KCNJ1: variants seen among roughly 807,000 people sequenced by gnomAD.
KCNJ1 encodes ATP-sensitive inward rectifier potassium channel 1.
Under a neutral mutation model 21.9 loss-of-function variants are expected in KCNJ1, and 24 were observed. The observed-to-expected ratio is 1.10, with a 90% confidence interval of 0.79 to 1.54. The LOEUF is 1.54. Ranked by LOEUF, KCNJ1 falls within the 40% of genes most tolerant of loss-of-function variation. KCNJ1 has a pLI of 0.00. For synonymous variants in KCNJ1, 152 were observed against 160.9 expected (o/e 0.94, Z 0.42); for missense variants, 457 against 455.4 (o/e 1.00, Z -0.03).
At chr11:128,866,938 C>T (rs1171223291) in intron 1 of KCNJ1, among the ~76,000 whole-genome samples, 1 of 152,118 alleles carries the variant, frequency 6.6e-6, no homozygotes, top group Non-Finnish European at 1.5e-5. Context: ...TGCCCTCCAG[C>T]CCCAGGGCTG....
intron 1 of KCNJ1, chr11:128,866,618 T>C (rs1048259803): frequency 6.1e-6 from 4 of 660,464 alleles, no homozygotes; most frequent in Admixed American, 1.3e-4. Context: ...GAAATCCAAA[T>C]GTATCCATTC....
intron 2 of KCNJ1, among the ~76,000 whole-genome samples, chr11:128,844,729 C>T (rs550460753): frequency 6.6e-6 from 1 of 152,122 alleles, no homozygotes; most frequent in East Asian, 1.9e-4. Flanking sequence ...CACTTACCAC[C>T]CCAGCCTGCT....
chr11:128,838,984 C>A lies in KCNJ1; in HGVS notation c.*141G>T. The stretch of plus-strand genomic sequence containing the variant: ...TGCATGTCTTGTGGGATCACAATTG[C>A]GGGGCTCAGGGGTCTTTGTGCTGGT... On this transcript the variant is annotated 3_prime_UTR_variant, in exon 3 of 3. Coordinates refer to ENST00000392666, the MANE Select transcript of KCNJ1 (RefSeq NM_153766.3). 5.6e-6 allele frequency: 4 copies of A among 710,476 alleles called. No individual in the cohort carries two copies. Among genetic ancestry groups the A allele is most frequent in the African/African-American group, 3.5e-5 (2 of 56,426 alleles). 44.0% of individuals were successfully genotyped at this position (710,476 alleles called of 1,614,324 possible).
chr11:128,850,024 C>T (rs1943454365), intron 2 of KCNJ1, among the ~76,000 whole-genome samples: 1 of 152,082 alleles, frequency 6.6e-6, no homozygotes. Context: ...AGGTCATGTC[C>T]AGGAAGCAGA....
intron 1 of KCNJ1, among the ~76,000 whole-genome samples, chr11:128,856,069 A>G (rs935615034): frequency 2.6e-5 from 4 of 151,968 alleles, no homozygotes; most frequent in African/African-American, 9.7e-5. Flanking sequence ...TTCTCCCACC[A>G]GAACTTCCGG....
chr11:128,864,057 CTTTTTTCTTTT>C (rs1943767550), intron 1 of KCNJ1, among the ~76,000 whole-genome samples: 1 of 111,190 alleles, frequency 9.0e-6, no homozygotes, highest in Non-Finnish European at 2.0e-5. Flanking sequence ...TTTTCTTTTT[CTTTTTTCTTTT>C]TCTCTCTTTT....
chr11:128,842,631 T>A, intron 2 of KCNJ1: 1 of 1,021,070 alleles, frequency 9.8e-7, no homozygotes, highest in Non-Finnish European at 1.4e-6. Context: ...TAGGTATTTT[T>A]TCTTTCCAAC....
intron 2 of KCNJ1, among the ~76,000 whole-genome samples, chr11:128,845,900 G>A (rs558211976): frequency 1.3e-5 from 2 of 152,262 alleles, no homozygotes; most frequent in Admixed American, 6.5e-5. Context: ...GCCTTCCTAG[G>A]TGCCTCCCTC....
At chr11:128,854,943 C>A (rs1423900053) in intron 1 of KCNJ1, among the ~76,000 whole-genome samples, 1 of 152,186 alleles carries the variant, frequency 6.6e-6, no homozygotes, top group South Asian at 2.1e-4. Context: ...CTGGAGCGCA[C>A]GTGCAGGCTC....
At chr11:128,859,086 A>G (rs1943648435) in intron 1 of KCNJ1, among the ~76,000 whole-genome samples, 1 of 152,196 alleles carries the variant, frequency 6.6e-6, no homozygotes, top group Non-Finnish European at 1.5e-5. Context: ...AGGAACAGAC[A>G]CTTGTTGAAT....
intron 1 of KCNJ1, among the ~76,000 whole-genome samples, chr11:128,862,510 C>A (rs1943735418): frequency 6.6e-6 from 1 of 152,336 alleles, no homozygotes; most frequent in African/African-American, 2.4e-5. Flanking sequence ...CTCCATCCCC[C>A]CCGGGGCTGC....
intron 2 of KCNJ1, among the ~76,000 whole-genome samples, chr11:128,841,924 A>T (rs1943289530): frequency 6.6e-6 from 1 of 152,166 alleles, no homozygotes; most frequent in East Asian, 1.9e-4. Flanking sequence ...CCCAGTGAGG[A>T]TTAGGGGATG....
In KCNJ1 at chr11:128,842,292, T is replaced by G. The variant is rs1053690094; in HGVS notation, c.-21-2028A>C. The G allele has an allele frequency of 1.9e-4, 267 of 1,392,856 alleles. 7 individuals carry two copies. The South Asian group carries it at 2.7e-3, about 14-fold the overall frequency. 86.3% of individuals were successfully genotyped at this position (1,392,856 alleles called of 1,614,324 possible). A position where few individuals can be genotyped will look rare whatever the true frequency, so the allele number is the denominator to read the frequency against. ...AAGAAGTACCCCCTGATTGATCACT[T>G]GAATAACGTTGAGTTTCCATGACTG... On this transcript the variant is annotated intron_variant, in intron 2 of 2. Coordinates refer to ENST00000392666, the MANE Select transcript of KCNJ1 (RefSeq NM_153766.3).
At position 128,842,568 on chromosome 11, in the gene KCNJ1, G is replaced by C; in HGVS notation, c.-21-2304C>G. On this transcript the variant is annotated intron_variant, in intron 2 of 2. Transcript: ENST00000392666. ...AAACACTTAATTTGATAGTGGAGTC[G>C]TGTGATTTAAACCAAGGCAATTGGT... 14 of 1,493,842 alleles carry C rather than the reference G, an allele frequency of 9.4e-6. No homozygotes were observed. In the South Asian group the frequency reaches 1.6e-4, roughly 17 times the overall value. The allele number at this position is 1,493,842 out of a possible 1,614,324, so 92.5% of individuals were successfully genotyped here. A position where few individuals can be genotyped will look rare whatever the true frequency, so the allele number is the denominator to read the frequency against.
chr11:128,864,501 T>A (rs1382430973), intron 1 of KCNJ1, among the ~76,000 whole-genome samples: 1 of 152,170 alleles, frequency 6.6e-6, no homozygotes, highest in Non-Finnish European at 1.5e-5. Context: ...ACCCTGCTTG[T>A]TCATGATGAT....
intron 1 of KCNJ1, chr11:128,866,546 T>C (rs1440550659): frequency 1.0e-5 from 10 of 978,028 alleles, no homozygotes; most frequent in Non-Finnish European, 1.2e-5. Flanking sequence ...AGATAAACAG[T>C]TGGCATTCAC....
intron 1 of KCNJ1, among the ~76,000 whole-genome samples, chr11:128,859,958 C>A (rs2847379): frequency 4.0e-5 from 6 of 150,954 alleles, no homozygotes; most frequent in Non-Finnish European, 8.8e-5. Flanking sequence ...AAAGCGCAGG[C>A]GGGAGAGGAG....
At chr11:128,847,201 C>T (rs1409868331) in intron 2 of KCNJ1, among the ~76,000 whole-genome samples, 1 of 152,310 alleles carries the variant, frequency 6.6e-6, no homozygotes, top group East Asian at 1.9e-4. Context: ...ATGCCCAGAT[C>T]CTATGCAAGT....
At chr11:128,857,918 G>A (rs1363011163) in intron 1 of KCNJ1, among the ~76,000 whole-genome samples, 2 of 152,092 alleles carry the variant, frequency 1.3e-5, no homozygotes, top group African/African-American at 4.8e-5. Context: ...ATGTGTTTCT[G>A]GGTATTTATT....
Sources: gnomAD v4.1 joint callset for allele counts (sites outside exome capture counted in the v4.1 genomes callset) on GRCh38, gnomAD v4.1.1 for gene constraint, MANE v1.5 for transcripts, NCBI Gene and HGNC (gene_info 2026-07-23, HGNC 2026-07-21) for gene names.